ZNF727: variants seen among roughly 807,000 people sequenced by gnomAD.
ZNF727 encodes the protein putative zinc finger protein 727.
A neutral mutation model predicts 11.5 loss-of-function variants in ZNF727; 11 were observed. That is an observed-to-expected ratio of 0.95 (90% confidence interval 0.60 to 1.58). The LOEUF is 1.58. Ranked by LOEUF, ZNF727 falls within the 40% of genes most tolerant of loss-of-function variation. The probability of loss-of-function intolerance (pLI) is 0.00; values close to 1 mark genes in which losing one functional copy is unlikely to be tolerated. For missense variants in ZNF727, 533 were observed against 581.7 expected (o/e 0.92, Z 0.86); for synonymous variants, 171 against 196.1 (o/e 0.87, Z 1.07).
intron 1 of ZNF727, among the ~76,000 whole-genome samples, chr7:64,053,310 T>G (rs1789631586): frequency 6.6e-6 from 1 of 151,830 alleles, no homozygotes; most frequent in East Asian, 1.9e-4. Context: ...AGGTTTTTTG[T>G]TGTTGTTGTT....
intron 3 of ZNF727, among the ~76,000 whole-genome samples, chr7:64,070,104 T>C (rs1444930716): frequency 6.6e-6 from 1 of 152,122 alleles, no homozygotes; most frequent in African/African-American, 2.4e-5. Context: ...TATAATTTTC[T>C]ATTCTATGGA....
intron 1 of ZNF727, among the ~76,000 whole-genome samples, chr7:64,065,811 C>A (rs1264720670): frequency 6.6e-6 from 1 of 151,956 alleles, no homozygotes; most frequent in Admixed American, 6.6e-5. Context: ...TGTACCAGAG[C>A]CTTCTCTTTA....
intron 3 of ZNF727, among the ~76,000 whole-genome samples, chr7:64,070,136 G>A (rs1789938528): frequency 6.6e-6 from 1 of 151,964 alleles, no homozygotes; most frequent in Non-Finnish European, 1.5e-5. Context: ...TGATTTTACA[G>A]AAATTTATAC....
chr7:64,076,958 G>T (rs1430650600), intron 3 of ZNF727, among the ~76,000 whole-genome samples: 3 of 152,154 alleles, frequency 2.0e-5, no homozygotes, highest in Non-Finnish European at 2.9e-5. Context: ...GACAGGAATT[G>T]GGAGTCTATA....
intron 3 of ZNF727, among the ~76,000 whole-genome samples, chr7:64,071,284 C>A (rs1463028469): frequency 6.6e-6 from 1 of 151,724 alleles, no homozygotes; most frequent in African/African-American, 2.4e-5. Context: ...TGTTATAAAT[C>A]TTCTTTTTGG....
In ZNF727 at chr7:64,082,036, C is replaced by A. The variant is rs1490126165; in HGVS notation, c.*3487C>A. 7.2e-5 allele frequency among the ~76,000 whole-genome samples: 11 copies of A among 151,986 alleles called. No individual in the cohort carries two copies. Among genetic ancestry groups the A allele is most frequent in the Admixed American group, 6.6e-4 (10 of 15,252 alleles). On this transcript the variant is annotated 3_prime_UTR_variant, in exon 4 of 4. Coordinates refer to ENST00000456806, the MANE Select transcript of ZNF727 (RefSeq NM_001159522.3). ...ATGAGCAGTGGGTAGTTTGTGGGAC[C>A]CATGGAGGATGGACTGGCCCTCTCT...
At chr7:64,053,424 G>C (rs1030666493) in intron 1 of ZNF727, among the ~76,000 whole-genome samples, 1 of 152,062 alleles carries the variant, frequency 6.6e-6, no homozygotes, top group East Asian at 1.9e-4. Context: ...GGGTTCAAGC[G>C]ATTCTCCTGC....
intron 1 of ZNF727, among the ~76,000 whole-genome samples, chr7:64,048,745 T>C (rs1584139305): frequency 6.6e-6 from 1 of 152,250 alleles, no homozygotes; most frequent in South Asian, 2.1e-4. Context: ...CAGTAATTCT[T>C]TCTAAGCTTA....
At chr7:64,073,236 T>A (rs1789989777) in intron 3 of ZNF727, among the ~76,000 whole-genome samples, 1 of 151,896 alleles carries the variant, frequency 6.6e-6, no homozygotes, top group African/African-American at 2.4e-5. Context: ...ACTGCTTTCA[T>A]GAATATATTG....
intron 3 of ZNF727, among the ~76,000 whole-genome samples, chr7:64,070,165 C>T (rs1341793309): frequency 1.3e-5 from 2 of 152,022 alleles, no homozygotes; most frequent in Admixed American, 6.6e-5. Flanking sequence ...TATATTAAAA[C>T]ACTAAGCATC....
rs144109759 is a variant in ZNF727, at chr7:64,080,494, A to G, written c.*1945A>G. On this transcript the variant is annotated 3_prime_UTR_variant, in exon 4 of 4. Coordinates refer to ENST00000456806, the MANE Select transcript of ZNF727 (RefSeq NM_001159522.3). ...GTTTTGTATTGTGTTTTTCAGTTCTATCATGTTGGCCATATTTTTCTCTAG... is the reference window on the plus strand; with the variant it reads ...GTTTTGTATTGTGTTTTTCAGTTCTGTCATGTTGGCCATATTTTTCTCTAG... Among the ~76,000 whole-genome samples the G allele has an allele frequency of 3.4e-4, 52 of 152,032 alleles. No homozygotes were observed. Among genetic ancestry groups the G allele is most frequent in the African/African-American group, 1.2e-3 (50 of 41,476 alleles).
At chr7:64,058,408 T>C (rs530120755) in intron 1 of ZNF727, among the ~76,000 whole-genome samples, 1 of 152,260 alleles carries the variant, frequency 6.6e-6, no homozygotes, top group Non-Finnish European at 1.5e-5. Flanking sequence ...AGGACTAATC[T>C]CCATGCTCAC....
rs1465534058 is a variant in ZNF727 at position 64,078,109 on chromosome 7, AC to A, written c.1063del (p.Ile356LeufsTer10). ...TGGCAAAGCCTTTACCTACTCCTCA[AC>A]CCTTATTAGCCACAAGAGAATTCAT... Reference protein sequence around the residue: ...ECGKAFTYSSTLISHKRIHME... With the variant: ...ECGKAFTYSSXLISHKRIHME... On this transcript the variant is annotated frameshift_variant, in exon 4 of 4. Transcript: ENST00000456806. LOFTEE classifies it low-confidence loss of function (END_TRUNC). The A allele has an allele frequency of 6.2e-7, 1 of 1,608,060 alleles. No individual in the cohort carries two copies. The highest frequency in any genetic ancestry group is 1.3e-5 in the African/African-American group (1 of 74,660).
rs959616212 is a variant in ZNF727 at position 64,083,542 on chromosome 7, C to T, written c.*4993C>T. 1.3e-5 allele frequency among the ~76,000 whole-genome samples: 2 copies of T among 152,208 alleles called. No homozygotes were observed. Among genetic ancestry groups the T allele is most frequent in the African/African-American group, 2.4e-5 (1 of 41,444 alleles). On this transcript the variant is annotated 3_prime_UTR_variant, in exon 4 of 4. Coordinates refer to ENST00000456806, the MANE Select transcript of ZNF727 (RefSeq NM_001159522.3). ...GCCTGGAAAGCCAGAGTATCTGAGGCTCTTGAATCTCTGCACAGGCCTCAG... is the reference window on the plus strand; with the variant it reads ...GCCTGGAAAGCCAGAGTATCTGAGGTTCTTGAATCTCTGCACAGGCCTCAG...
Position 64,045,474 on chromosome 7 carries a change from A to G in ZNF727, c.-148A>G, listed in dbSNP as rs1789485813. 6 of 1,125,074 alleles carry G rather than the reference A, an allele frequency of 5.3e-6. No homozygotes were observed. The highest frequency in any genetic ancestry group is 4.0e-5 in the Admixed American group (2 of 50,240). The allele number at this position is 1,125,074 out of a possible 1,614,324, so 69.7% of individuals were successfully genotyped here. The stretch of plus-strand genomic sequence containing the variant: ...GCAAGGCCTTCGTCTCCTAGCTTCT[A>G]GGCTCTGAGTCCAGTACCCGTCTGT... On this transcript the variant is annotated 5_prime_UTR_variant, in exon 1 of 4. The change abolishes the stop of an existing upstream ORF in the 5' untranslated region. Transcript: ENST00000456806.
Position 64,068,993 on chromosome 7 carries a change from A to T in ZNF727, c.106A>T (p.Asn36Tyr). The T allele has an allele frequency of 6.2e-7, 1 of 1,605,046 alleles. No homozygotes were observed. Among genetic ancestry groups the T allele is most frequent in the South Asian group, 1.1e-5 (1 of 90,088 alleles). The change falls in exon 2 of 4, where the codon AAC (asparagine) becomes TAC (tyrosine). Residue 36 changes from asparagine to tyrosine, a missense_variant. Around this residue, in one of 3 missense-constraint regions of ZNF727, gnomAD observed 463 missense variants for 494.5 expected, o/e 0.94. Coordinates refer to ENST00000456806, the MANE Select transcript of ZNF727 (RefSeq NM_001159522.3). ...TTTGTATAGGGATGTGATGTTAGAG[A>T]ACTACGGAAACCTGTTCTCCTTGGG... ...QRLYRDVMLE[N>Y]YGNLFSLGLA... is the part of the protein sequence containing the mutation.
chr7:64,061,192 G>T (rs890032588), intron 1 of ZNF727, among the ~76,000 whole-genome samples: 1 of 152,060 alleles, frequency 6.6e-6, no homozygotes, highest in East Asian at 1.9e-4. Flanking sequence ...GGTCTATTTG[G>T]TCCATAGTGC....
chr7:64,069,087 G>A, intron 2 of ZNF727, 70 bp downstream of exon 2: 1 of 1,427,464 alleles, frequency 7.0e-7, no homozygotes, highest in Non-Finnish European at 9.2e-7. Flanking sequence ...TTTTTTTGAA[G>A]TTCTGCTTTG....
chr7:64,048,207 T>G (rs999687055), intron 1 of ZNF727, among the ~76,000 whole-genome samples: 3 of 152,208 alleles, frequency 2.0e-5, no homozygotes, highest in Admixed American at 6.5e-5. Context: ...ACCACAAATG[T>G]TTTCTAAGAG....
Sources: gnomAD v4.1 joint callset for allele counts (sites outside exome capture counted in the v4.1 genomes callset) on GRCh38, gnomAD v4.1.1 for gene constraint, gnomAD v4.1.1 regional missense constraint, MANE v1.5 for transcripts, NCBI Gene and HGNC (gene_info 2026-07-23, HGNC 2026-07-21) for gene names.